The following AGRN variants were observed in gnomAD, a reference collection of about 807,000 sequenced individuals.
AGRN encodes the protein agrin proteoglycan.
AGRN carries 106 observed loss-of-function variants against 211.0 expected under a neutral mutation model. The observed-to-expected ratio is 0.50, with a 90% CI of 0.43 to 0.59. The LOEUF (loss-of-function observed/expected upper bound fraction) is 0.59, where lower values mean the gene tolerates loss of function less well. AGRN is among the 20% of genes least tolerant of loss of function. The pLI is 0.00. For missense variants in AGRN, 3,040 were observed against 2,982.6 expected (o/e 1.02, Z -0.45); for synonymous variants, 1,525 against 1,332.5 (o/e 1.14, Z -3.15).
At chr1:1,054,022 C>G in intron 34 of AGRN, 45 bp downstream of exon 34, 1 of 1,539,518 alleles carries the variant, frequency 6.5e-7, no homozygotes. Flanking sequence ...CGAGGGCTGC[C>G]CAGACTTGCC....
rs745695984 is a variant in AGRN, at chr1:1,049,885, C to T, written c.4745-18C>T. 2.5e-6 allele frequency: 4 copies of T among 1,611,220 alleles called. No individual in the cohort carries two copies. Among genetic ancestry groups the T allele is most frequent in the Admixed American group, 1.7e-5 (1 of 59,940 alleles). ...GCCTCCTGGGACCTCGGTCCCGGTC[C>T]CGTCTTCCTCCATCCAGGACCAACC... On this transcript the variant is annotated intron_variant, in intron 26 of 35. Coordinates refer to ENST00000379370, the MANE Select transcript of AGRN (RefSeq NM_198576.4).
rs528289959 is a variant in AGRN, at chr1:1,054,112, T to C, written c.5876+135T>C. ...CTGCCTGAGCCGAGGTCACTGCCAG[T>C]GGGAGGAGGAAGGGCCAAGAAGATG... On this transcript the variant is annotated intron_variant, in intron 34 of 35. Transcript: ENST00000379370. 1.0e-5 allele frequency: 10 copies of C among 979,770 alleles called. No individual in the cohort carries two copies. The African/African-American group carries it at 1.4e-4, about 14-fold the overall frequency. The allele number at this position is 979,770 out of a possible 1,614,324, so 60.7% of individuals were successfully genotyped here.
At chr1:1,020,431 C>T in intron 1 of AGRN, 58 bp downstream of exon 1, 1 of 1,453,680 alleles carries the variant, frequency 6.9e-7, no homozygotes, top group Non-Finnish European at 9.1e-7. Context: ...GCCGGGACCC[C>T]CGCCCCAGGC....
intron 32 of AGRN, 41 bp from the exon 33 acceptor site, chr1:1,051,687 C>A: frequency 6.2e-7 from 1 of 1,613,008 alleles, no homozygotes; most frequent in East Asian, 2.2e-5. Flanking sequence ...CGGATGGGCC[C>A]GGAGCCCACG....
rs770603390 is a variant in AGRN, at chr1:1,046,479, G to A, written c.2994G>A (p.Pro998=). The A allele has an allele frequency of 2.4e-5, 38 of 1,611,044 alleles. No individual in the cohort carries two copies. Among genetic ancestry groups the A allele is most frequent in the South Asian group, 8.8e-5 (8 of 90,954 alleles). ...TPGLLLSQAL[P]APPGALPLAP... ...GGCTCCTCCTGAGCCAGGCACTGCC[G>A]GCCCCCCCCGGCGCCCTCCCCCTGG... The change falls in exon 18 of 36, where the codon CCG becomes CCA. Residue 998 remains proline, a synonymous_variant. Transcript: ENST00000379370.
At chr1:1,033,996 C>T in intron 2 of AGRN, 1 of 502,026 alleles carries the variant, frequency 2.0e-6, no homozygotes, top group Non-Finnish European at 2.6e-6. Context: ...GCCCCTCACT[C>T]ACCTCCCCAG....
intron 35 of AGRN, 88 bp downstream of exon 35, chr1:1,054,639 A>T: frequency 6.7e-7 from 1 of 1,498,698 alleles, no homozygotes; most frequent in Non-Finnish European, 9.0e-7. Context: ...CCCACCCTTG[A>T]GTCAGGGTGC....
At chr1:1,024,627 C>T (rs1644479485) in intron 2 of AGRN, among the ~76,000 whole-genome samples, 1 of 152,130 alleles carries the variant, frequency 6.6e-6, no homozygotes, top group African/African-American at 2.4e-5. Context: ...CCACCCCTGC[C>T]CGGACACCGC....
Position 1,043,090 on chromosome 1 carries a change from C to T in AGRN, c.1385-149C>T, listed in dbSNP as rs1027770065. Reference sequence around the variant, plus strand: ...GCCGCGTGTCTGTCCCTTTCTCTGCCGTGTCTGCTGTGCATCTGGCCCTTC... The same window carrying T: ...GCCGCGTGTCTGTCCCTTTCTCTGCTGTGTCTGCTGTGCATCTGGCCCTTC... On this transcript the variant is annotated intron_variant, in intron 7 of 35. Coordinates refer to ENST00000379370, the MANE Select transcript of AGRN (RefSeq NM_198576.4). 3.3e-5 allele frequency: 29 copies of T among 874,720 alleles called. No individual in the cohort carries two copies. In the Admixed American group the frequency reaches 3.4e-4, roughly 10 times the overall value. 54.2% of individuals were successfully genotyped at this position (874,720 alleles called of 1,614,324 possible). A position where few individuals can be genotyped will look rare whatever the true frequency, so the allele number is the denominator to read the frequency against.
At chr1:1,026,548 G>A (rs903583551) in intron 2 of AGRN, among the ~76,000 whole-genome samples, 4 of 152,148 alleles carry the variant, frequency 2.6e-5, no homozygotes, top group Admixed American at 1.3e-4. Context: ...AGAAGCAGAC[G>A]CCCCACGCCC....
In AGRN at chr1:1,047,961, C is replaced by T. The variant is rs141487918; in HGVS notation, c.3752-51C>T. On this transcript the variant is annotated intron_variant, in intron 22 of 35. Transcript: ENST00000379370. ...CTCTGCCCATGCCCCTGCCCCTCAC[C>T]CCTTCCTGGCCCTGCTCCCAGGAAA... 828 of 1,572,296 alleles carry T rather than the reference C, an allele frequency of 5.3e-4. 4 individuals are homozygous for T. In the African/African-American group the frequency reaches 1.0e-2, roughly 19 times the overall value.
chr1:1,047,964 T>C, intron 22 of AGRN, 48 bp from the exon 23 acceptor site: 1 of 1,572,862 alleles, frequency 6.4e-7, no homozygotes, highest in Non-Finnish European at 8.6e-7. Flanking sequence ...CCCTCACCCC[T>C]TCCTGGCCCT....
intron 3 of AGRN, among the ~76,000 whole-genome samples, chr1:1,037,057 A>T (rs1644819772): frequency 6.6e-6 from 1 of 152,010 alleles, no homozygotes; most frequent in Non-Finnish European, 1.5e-5. Flanking sequence ...GAGGGTATGG[A>T]CTCAGAGAAG....
chr1:1,050,125 A>G, intron 27 of AGRN, 88 bp downstream of exon 27: 2 of 1,584,660 alleles, frequency 1.3e-6, no homozygotes, highest in Non-Finnish European at 1.7e-6. Flanking sequence ...TGCAGTTAGG[A>G]TGCGGCTCAG....
chr1:1,024,376 G>C (rs1297326890), intron 2 of AGRN, among the ~76,000 whole-genome samples: 1 of 152,030 alleles, frequency 6.6e-6, no homozygotes, highest in East Asian at 1.9e-4. Flanking sequence ...ACCCCACCCT[G>C]GGCCCTCTGG....
Position 1,047,618 on chromosome 1 carries a change from A to G in AGRN, c.3562A>G (p.Ser1188Gly). The change falls in exon 21 of 36, where the codon AGT becomes GGT. Residue 1188 changes from serine (S) to glycine (G), a missense_variant. Physicochemically the swap from Ser to Gly is moderately conservative, Grantham distance 56. Around this residue, in one of 3 missense-constraint regions of AGRN, gnomAD observed 1,537 missense variants for 1,505.0 expected, o/e 1.02. Transcript: ENST00000379370. ...RNSDVKKDFR[S>G]VRLRDLGPGK... ...TTCAGACGTCAAGAAGGATTTTCGG[A>G]GTGTCCGCTTGCGGGACCTGGGGCC... 6.2e-7 allele frequency: 1 copy of G among 1,613,018 alleles called. No individual in the cohort carries two copies. The highest frequency in any genetic ancestry group is 8.5e-7 in the Non-Finnish European group (1 of 1,180,020).
intron 1 of AGRN, among the ~76,000 whole-genome samples, chr1:1,021,271 C>T (rs1472780044): frequency 6.6e-6 from 1 of 152,230 alleles, no homozygotes; most frequent in African/African-American, 2.4e-5. Flanking sequence ...ACTTCCTCCC[C>T]GCTGCTCCTG....
intron 9 of AGRN, 24 bp downstream of exon 9, chr1:1,043,756 C>T (rs373186049): frequency 1.2e-5 from 19 of 1,602,464 alleles, no homozygotes; most frequent in Middle Eastern, 1.6e-4. Flanking sequence ...TGGGGCCGGG[C>T]GGGCCAGGGT....
At chr1:1,026,999 C>T (rs1290514512) in intron 2 of AGRN, among the ~76,000 whole-genome samples, 1 of 152,176 alleles carries the variant, frequency 6.6e-6, no homozygotes, top group Non-Finnish European at 1.5e-5. Flanking sequence ...GCGGAGCCTG[C>T]AGCACTGAGG....
Sources: allele counts gnomAD v4.1 joint callset (sites outside exome capture counted in the v4.1 genomes callset), GRCh38; gene constraint gnomAD v4.1.1; regional missense constraint gnomAD v4.1.1; transcripts MANE v1.5; gene names NCBI Gene and HGNC (gene_info 2026-07-23, HGNC 2026-07-21).